The following PPP1R13B variants were observed in gnomAD, a reference collection of about 807,000 sequenced individuals.
The protein encoded by PPP1R13B is apoptosis-stimulating of p53 protein 1.
A neutral mutation model predicts 119.8 loss-of-function variants in PPP1R13B; 44 were observed. The observed-to-expected ratio is 0.37, with a 90% confidence interval of 0.29 to 0.47. The LOEUF (loss-of-function observed/expected upper bound fraction) is 0.47, where lower values mean the gene tolerates loss of function less well. Among genes scored for constraint, PPP1R13B ranks in the 20% least tolerant of loss-of-function variants. The pLI is 0.99. For missense variants in PPP1R13B, 1,227 were observed against 1,413.5 expected, an observed-to-expected ratio of 0.87 and a Z score of 2.12; for synonymous variants, 542 against 561.5, an observed-to-expected ratio of 0.97 and a Z score of 0.49.
chr14:103,773,373 G>T (rs2085115101), intron 4 of PPP1R13B, among the ~76,000 whole-genome samples: 1 of 152,176 alleles, frequency 6.6e-6, no homozygotes, highest in African/African-American at 2.4e-5. Context: ...GTTGACAGAT[G>T]CCAATCCTCA....
At chr14:103,810,033 G>C (rs1310532652) in intron 1 of PPP1R13B, among the ~76,000 whole-genome samples, 1 of 150,774 alleles carries the variant, frequency 6.6e-6, no homozygotes, top group Admixed American at 6.6e-5. Flanking sequence ...CACCATGTTG[G>C]CCAGATGGTC....
chr14:103,813,609 C>G (rs1475887489), intron 1 of PPP1R13B, among the ~76,000 whole-genome samples: 1 of 152,200 alleles, frequency 6.6e-6, no homozygotes, highest in Non-Finnish European at 1.5e-5. Flanking sequence ...TTGTAAGTTC[C>G]TGAGGTCTCC....
chr14:103,790,342 T>C (rs1029887239), intron 2 of PPP1R13B, among the ~76,000 whole-genome samples: 1 of 151,784 alleles, frequency 6.6e-6, no homozygotes, highest in African/African-American at 2.4e-5. Flanking sequence ...ACGTAAACAA[T>C]CTGCTATGGT....
At chr14:103,824,039 C>T (rs1175069528) in intron 1 of PPP1R13B, among the ~76,000 whole-genome samples, 27 of 75,140 alleles carry the variant, frequency 3.6e-4, no homozygotes, top group South Asian at 1.1e-3. Context: ...CTACCTCATC[C>T]TTTTTTTTTT....
At position 103,734,755 on chromosome 14, in the gene PPP1R13B, G is replaced by A. The variant is rs2084048021; in HGVS notation, c.*399C>T. The A allele has an allele frequency of 2.2e-6, 1 of 464,730 alleles. No individual in the cohort carries two copies. The highest frequency in any genetic ancestry group is 2.0e-5 in the African/African-American group (1 of 50,628). The allele number at this position is 464,730 out of a possible 1,614,324, so 28.8% of individuals were successfully genotyped here. ...TGACGGGGGGCAGGGCGGTCGCAGG[G>A]GAGCAGGCCTCACAGCGGCGGACAG... On this transcript the variant is annotated 3_prime_UTR_variant, in exon 17 of 17. Coordinates refer to ENST00000202556, the MANE Select transcript of PPP1R13B (RefSeq NM_015316.3).
chr14:103,752,042 T>C (rs1437518311), intron 7 of PPP1R13B, among the ~76,000 whole-genome samples: 2 of 152,216 alleles, frequency 1.3e-5, no homozygotes, highest in Non-Finnish European at 2.9e-5. Flanking sequence ...AGGGTGTGTT[T>C]TGGTTAATAT....
chr14:103,749,872 A>G lies in PPP1R13B; in HGVS notation c.891T>C (p.Asn297=), dbSNP rs775846321. 10 of 1,614,052 alleles carry G rather than the reference A, an allele frequency of 6.2e-6. No individual in the cohort carries two copies. The Admixed American group carries it at 1.7e-4, about 27-fold the overall frequency. ...TCATGGCCACCTCCATGTTGCGCTTATTTAAGAGTTCCTTCTGCTGCTGAA... is the reference window on the plus strand; with the variant it reads ...TCATGGCCACCTCCATGTTGCGCTTGTTTAAGAGTTCCTTCTGCTGCTGAA... ...SKLQQQKELL[N]KRNMEVAMMD... is the part of the protein sequence containing the mutation. Residue 297 remains asparagine (N), a synonymous_variant, in exon 8 of 17, where the codon AAT becomes AAC. Transcript: ENST00000202556.
chr14:103,819,376 A>G (rs924006747), intron 1 of PPP1R13B, among the ~76,000 whole-genome samples: 16 of 152,204 alleles, frequency 1.1e-4, no homozygotes, highest in Admixed American at 2.6e-4. Context: ...GCAGGCCTGT[A>G]GTCCCAGCTA....
intron 3 of PPP1R13B, among the ~76,000 whole-genome samples, chr14:103,781,776 T>C (rs972091407): frequency 3.2e-4 from 49 of 152,106 alleles, no homozygotes; most frequent in Non-Finnish European, 5.0e-4. Flanking sequence ...CTCAGCCTCC[T>C]GAGTAGCTGG....
intron 4 of PPP1R13B, chr14:103,764,220 T>A (rs1440223845): frequency 6.3e-6 from 1 of 157,634 alleles, no homozygotes; most frequent in Non-Finnish European, 1.4e-5. Flanking sequence ...TGCACTATTT[T>A]ACATTTCCAC....
intron 1 of PPP1R13B, among the ~76,000 whole-genome samples, chr14:103,838,649 T>A (rs576754793): frequency 2.0e-5 from 3 of 152,314 alleles, no homozygotes; most frequent in East Asian, 3.9e-4. Context: ...CCTCTGATGG[T>A]GGAGTTGGCT....
At chr14:103,749,616 A>G (rs2084487525) in intron 8 of PPP1R13B, among the ~76,000 whole-genome samples, 178 bp downstream of exon 8, 1 of 152,220 alleles carries the variant, frequency 6.6e-6, no homozygotes, top group Non-Finnish European at 1.5e-5. Flanking sequence ...TCCACACACC[A>G]GGAAATAAAT....
intron 1 of PPP1R13B, among the ~76,000 whole-genome samples, chr14:103,827,152 A>T (rs531993539): frequency 0.023 from 3,491 of 152,064 alleles, 135 homozygotes; most frequent in African/African-American, 0.079. Flanking sequence ...GTGAAACCCC[A>T]TCTCTATTAA....
intron 4 of PPP1R13B, among the ~76,000 whole-genome samples, chr14:103,769,450 G>A (rs1222401432): frequency 3.3e-5 from 5 of 152,016 alleles, no homozygotes; most frequent in African/African-American, 1.2e-4. Flanking sequence ...ATGTTACCCA[G>A]GCTGGTCTCA....
At chr14:103,775,993 T>G (rs2085177727) in intron 4 of PPP1R13B, among the ~76,000 whole-genome samples, 1 of 152,008 alleles carries the variant, frequency 6.6e-6, no homozygotes. Context: ...GGATAATACC[T>G]GCAAAATCTA....
chr14:103,737,756 G>A lies in PPP1R13B; in HGVS notation c.2969C>T (p.Thr990Ile), dbSNP rs771110870. 5.7e-5 allele frequency: 92 copies of A among 1,614,138 alleles called. No homozygotes were observed. Among genetic ancestry groups the A allele is most frequent in the Non-Finnish European group, 3.8e-5 (45 of 1,180,054 alleles). The change falls in exon 15 of 17, where the codon ACT (threonine) becomes ATT (isoleucine). Residue 990 changes from threonine (T) to isoleucine (I), a missense_variant. Transcript: ENST00000202556. Reference protein sequence around the residue: ...IFASTISDIETAADKCEEMEE... With the variant: ...IFASTISDIEIAADKCEEMEE... ...CATCTCCTCACACTTGTCTGCAGCA[G>A]TTTCAATGTCGCTTATGGTTGAGGC...
intron 3 of PPP1R13B, among the ~76,000 whole-genome samples, chr14:103,781,160 A>G (rs781025637): frequency 6.6e-6 from 1 of 152,200 alleles, no homozygotes; most frequent in Non-Finnish European, 1.5e-5. Context: ...GACATTAAGG[A>G]TTATGTACAT....
chr14:103,764,968 G>A (rs757754157), intron 4 of PPP1R13B, among the ~76,000 whole-genome samples: 2 of 152,084 alleles, frequency 1.3e-5, no homozygotes, highest in African/African-American at 4.8e-5. Context: ...ACAGACGCCC[G>A]CCACCACGCC....
chr14:103,782,201 G>T (rs1036928268), intron 3 of PPP1R13B, among the ~76,000 whole-genome samples: 1 of 152,074 alleles, frequency 6.6e-6, no homozygotes. Context: ...CAAACAGATA[G>T]ATATGCACAT....
Sources: allele counts gnomAD v4.1 joint callset (sites outside exome capture counted in the v4.1 genomes callset), GRCh38; gene constraint gnomAD v4.1.1; transcripts MANE v1.5; gene names NCBI Gene and HGNC (gene_info 2026-07-23, HGNC 2026-07-21).